The following SPEG variants were observed in gnomAD, a reference collection of about 807,000 sequenced individuals.
SPEG encodes striated muscle enriched protein kinase, also known as striated muscle preferentially expressed protein kinase.
SPEG carries 114 observed loss-of-function variants against 300.4 expected under a neutral mutation model. The observed-to-expected ratio is 0.38, with a 90% CI of 0.33 to 0.44. SPEG has a LOEUF of 0.44. Among genes scored for constraint, SPEG ranks in the 20% least tolerant of loss-of-function variants. The pLI is 1.00. For synonymous variants in SPEG, 1,964 were observed against 2,018.9 expected, an observed-to-expected ratio of 0.97 and a Z score of 0.73; for missense variants, 4,201 against 4,586.2, an observed-to-expected ratio of 0.92 and a Z score of 2.43.
At position 219,483,904 on chromosome 2, in the gene SPEG, G is replaced by T. The variant is rs764935304; in HGVS notation, c.6441G>T (p.Ala2147=). ...EPRGRHRRAG[A]PLEIPVARLG... ...GGGGCCGGCACCGCCGAGCGGGGGC[G>T]CCCCTCGAGATCCCCGTGGCCAGGC... The change falls in exon 30 of 41, where the codon GCG becomes GCT. Residue 2147 remains alanine, a synonymous_variant. Transcript: ENST00000312358. The T allele has an allele frequency of 1.2e-6, 2 of 1,601,474 alleles. No individual in the cohort carries two copies. The highest frequency in any genetic ancestry group is 8.5e-7 in the Non-Finnish European group (1 of 1,178,774).
intron 3 of SPEG, among the ~76,000 whole-genome samples, chr2:219,447,665 T>G (rs1458474612): frequency 2.7e-5 from 4 of 150,464 alleles, no homozygotes; most frequent in Non-Finnish European, 5.9e-5. Flanking sequence ...TCCCTCATGC[T>G]CAGTTCTGTT....
intron 30 of SPEG, 121 bp downstream of exon 30, chr2:219,485,193 G>A: frequency 6.8e-7 from 1 of 1,477,776 alleles, no homozygotes; most frequent in South Asian, 1.3e-5. Flanking sequence ...CCCCGAGGGT[G>A]GAATCAGCAG....
intron 6 of SPEG, among the ~76,000 whole-genome samples, chr2:219,452,020 G>T (rs1287542847): frequency 2.0e-5 from 3 of 152,234 alleles, no homozygotes; most frequent in Non-Finnish European, 4.4e-5. Flanking sequence ...TCCCCAAGGC[G>T]CACAGAAGGC....
At position 219,490,852 on chromosome 2, in the gene SPEG, C is replaced by T. The variant is rs1476029497; in HGVS notation, c.9281C>T (p.Ala3094Val). ...LDIKPDNLLL[A>V]PDNALKIVDF... The stretch of plus-strand genomic sequence containing the variant: ...ATCAAGCCAGACAACCTGCTGCTGG[C>T]CCCTGACAATGCCCTCAAGATTGTG... Residue 3094 changes from alanine to valine, a missense_variant, in exon 38 of 41, where the codon GCC becomes GTC. Around this residue, in one of 4 missense-constraint regions of SPEG, gnomAD observed 318 missense variants for 429.5 expected, o/e 0.74. Transcript: ENST00000312358. The T allele has an allele frequency of 6.2e-7, 1 of 1,613,924 alleles. No individual in the cohort carries two copies. Among genetic ancestry groups the T allele is most frequent in the East Asian group, 2.2e-5 (1 of 44,890 alleles).
At position 219,443,392 on chromosome 2, in the gene SPEG, C is replaced by A. The variant is rs1689065993; in HGVS notation, c.389-1261C>A. 1.8e-6 allele frequency: 1 copy of A among 560,866 alleles called. No individual in the cohort carries two copies. Among genetic ancestry groups the A allele is most frequent in the Admixed American group, 3.1e-5 (1 of 32,524 alleles). 34.7% of individuals were successfully genotyped at this position (560,866 alleles called of 1,614,324 possible). A position where few individuals can be genotyped will look rare whatever the true frequency, so the allele number is the denominator to read the frequency against. ...CTGCATGGACTGGGTGCCCTGTTCT[C>A]CATGTGAGGCCTAATGGGAAGGAGT... On this transcript the variant is annotated intron_variant, in intron 1 of 40. Coordinates refer to ENST00000312358, the MANE Select transcript of SPEG (RefSeq NM_005876.5). The surrounding 1 kb of genome is among the most constrained non-coding windows in gnomAD (Gnocchi z 4.6).
In SPEG at chr2:219,479,272, A is replaced by G. The variant is rs971387421; in HGVS notation, c.5085+71A>G. On this transcript the variant is annotated intron_variant, in intron 23 of 40. Transcript: ENST00000312358. This position sits in a 1 kb window ranked among gnomAD's most constrained non-coding sequence, Gnocchi z 5.5. Reference sequence around the variant, plus strand: ...CCCACCTGAGCTTTGAGAACCAACAAATGGGTCCTGAGTGTGCCATCTGTG... The same window carrying G: ...CCCACCTGAGCTTTGAGAACCAACAGATGGGTCCTGAGTGTGCCATCTGTG... 2.5e-5 allele frequency: 33 copies of G among 1,346,180 alleles called. No individual in the cohort carries two copies. The highest frequency in any genetic ancestry group is 1.0e-4 in the African/African-American group (7 of 69,834). 83.4% of individuals were successfully genotyped at this position (1,346,180 alleles called of 1,614,324 possible).
intron 10 of SPEG, 118 bp from the exon 11 acceptor site, chr2:219,468,460 C>A: frequency 1.7e-6 from 2 of 1,189,934 alleles, no homozygotes; most frequent in Non-Finnish European, 2.3e-6. Flanking sequence ...TACCCAGAGC[C>A]TTTGCTGGGC....
Position 219,483,225 on chromosome 2 carries a change from C to A in SPEG, c.5762C>A (p.Ser1921Tyr). The part of the protein sequence containing the change: ...RPPPSGGLSS[S>Y]SDSEEEELEE... ...CCCCCCAGTGGGGGGCTCTCATCCT[C>A]CTCGGATTCTGAAGAGGAAGAGCTG... The change falls in exon 30 of 41, where the codon TCC becomes TAC. Residue 1921 changes from serine to tyrosine, a missense_variant. By Grantham distance (144) the Ser-to-Tyr change is moderately radical (BLOSUM62 -2). Transcript: ENST00000312358. The A allele has an allele frequency of 6.2e-7, 1 of 1,610,504 alleles. No homozygotes were observed. Among genetic ancestry groups the A allele is most frequent in the Middle Eastern group, 1.7e-4 (1 of 6,054 alleles).
At position 219,449,218 on chromosome 2, in the gene SPEG, G is replaced by A. The variant is rs1689553350; in HGVS notation, c.2060G>A (p.Gly687Glu). 1.4e-6 allele frequency: 2 copies of A among 1,392,942 alleles called. No individual in the cohort carries two copies. The highest frequency in any genetic ancestry group is 7.4e-5 in the Admixed American group (2 of 27,158). The allele number at this position is 1,392,942 out of a possible 1,614,324, so 86.3% of individuals were successfully genotyped here. The change falls in exon 4 of 41, where the codon GGG (glycine) becomes GAG (glutamate). Residue 687 changes from glycine to glutamate, a missense_variant. Physicochemically the swap from Gly to Glu is moderately conservative, Grantham distance 98 (BLOSUM62 -2). This residue lies in a region of SPEG where 1,258 missense variants were observed against 1,293.9 expected (regional missense o/e 0.97). Transcript: ENST00000312358. ...CCCTGGGGGCCCTGGGACCGCCGAG[G>A]GGCCCGCAGCCAGGGCAAAGGTCGC... ...DGPWGPWDRRGARSQGKGRRA... is the reference protein window; with the variant it reads ...DGPWGPWDRREARSQGKGRRA...
rs1692008853 is a variant in SPEG at position 219,472,880 on chromosome 2, C to T, written c.3941-10C>T. Reference sequence around the variant, plus strand: ...GCAACAGCAGCCTCTAGTAGCTCCTCTCCCGCCAGACCCGGACTCCCTGAC... The same window carrying T: ...GCAACAGCAGCCTCTAGTAGCTCCTTTCCCGCCAGACCCGGACTCCCTGAC... On this transcript the variant is annotated splice_polypyrimidine_tract_variant and intron_variant, in intron 15 of 40. Coordinates refer to ENST00000312358, the MANE Select transcript of SPEG (RefSeq NM_005876.5). 2.6e-6 allele frequency: 4 copies of T among 1,568,186 alleles called. No homozygotes were observed. The East Asian group carries it at 6.8e-5, about 27-fold the overall frequency.
At chr2:219,488,700 T>C (rs1297745963) in intron 33 of SPEG, 35 bp downstream of exon 33, 2 of 1,604,100 alleles carry the variant, frequency 1.2e-6, no homozygotes, top group African/African-American at 1.3e-5. Flanking sequence ...GGGGTAGTGA[T>C]GGGGATGGTG....
Position 219,448,242 on chromosome 2 carries a change from G to T in SPEG, c.1084G>T (p.Gly362Trp). ...GCGAGGGAAGAAGTCCAAGTCGTCC[G>T]GGCCCTCCCTGGCGGGCACCGCGGA... ...EKRGKKSKSSGPSLAGTAESR... is the reference protein window; with the variant it reads ...EKRGKKSKSSWPSLAGTAESR... Residue 362 changes from glycine to tryptophan, a missense_variant, in exon 4 of 41, where the codon GGG (glycine) becomes TGG (tryptophan). Around this residue, in one of 4 missense-constraint regions of SPEG, gnomAD observed 1,258 missense variants for 1,293.9 expected, o/e 0.97. Transcript: ENST00000312358. 6.2e-7 allele frequency: 1 copy of T among 1,612,400 alleles called. No individual in the cohort carries two copies. Among genetic ancestry groups the T allele is most frequent in the South Asian group, 1.1e-5 (1 of 91,068 alleles).
rs79987208 is a variant in SPEG at position 219,478,006 on chromosome 2, G to A, written c.4928G>A (p.Arg1643His). The A allele has an allele frequency of 1.7e-4, 274 of 1,614,182 alleles. No homozygotes were observed. The African/African-American group carries it at 2.1e-3, about 12-fold the overall frequency. The change falls in exon 22 of 41, where the codon CGT becomes CAT. Residue 1643 changes from arginine to histidine, a missense_variant. Around this residue, in one of 4 missense-constraint regions of SPEG, gnomAD observed 1,047 missense variants for 1,356.8 expected, o/e 0.77. Coordinates refer to ENST00000312358, the MANE Select transcript of SPEG (RefSeq NM_005876.5). ...CAGGCCAAGCCAAAGGCATCAGCGC[G>A]TCGGGAGGCCCGGCTGCTGGCCAGG... ...PSQAKPKASA[R>H]REARLLARLQ...
Position 219,472,006 on chromosome 2 carries a change from TG to T in SPEG, c.3835+21del. 3 of 1,608,754 alleles carry T rather than the reference TG, an allele frequency of 1.9e-6. No homozygotes were observed. The highest frequency in any genetic ancestry group is 2.5e-6 in the Non-Finnish European group (3 of 1,179,812). On this transcript the variant is annotated intron_variant, in intron 14 of 40. Transcript: ENST00000312358. ...GTCACAGGTGAGGCAGGCACCCTCGTGGTCAGCTGCACGCACAGCCTGGCCT... is the reference window on the plus strand; with the variant it reads ...GTCACAGGTGAGGCAGGCACCCTCGTGTCAGCTGCACGCACAGCCTGGCCT...
intron 40 of SPEG, 64 bp downstream of exon 40, chr2:219,492,324 G>A: frequency 1.3e-6 from 2 of 1,534,872 alleles, no homozygotes; most frequent in East Asian, 2.3e-5. Context: ...CTGTGCCAGA[G>A]ATCTCCCAGC....
Position 219,463,392 on chromosome 2 carries a change from A to ATTTT in SPEG, c.2706-1006_2706-1003dup, listed in dbSNP as rs71040459. Among the ~76,000 whole-genome samples, 7 of 23,946 alleles carry ATTTT rather than the reference A, an allele frequency of 2.9e-4. 1 individual carries two copies. The highest frequency in any genetic ancestry group is 6.0e-4 in the African/African-American group (3 of 4,994). The allele number at this position is 23,946 out of a possible 152,430, so 15.7% of individuals were successfully genotyped here. A position where few individuals can be genotyped will look rare whatever the true frequency, so the allele number is the denominator to read the frequency against. On this transcript the variant is annotated intron_variant, in intron 8 of 40. Coordinates refer to ENST00000312358, the MANE Select transcript of SPEG (RefSeq NM_005876.5). ...AATTGATTGTCTGGTCCCCACTGTGATTTTTTTTTTTTTTTTTTTTTTTTT... is the reference window on the plus strand; with the variant it reads ...AATTGATTGTCTGGTCCCCACTGTGATTTTTTTTTTTTTTTTTTTTTTTTTTTTT...
intron 15 of SPEG, 54 bp from the exon 16 acceptor site, chr2:219,472,836 G>C (rs2125491098): frequency 6.8e-7 from 1 of 1,469,200 alleles, no homozygotes; most frequent in East Asian, 2.3e-5. Context: ...CAGCTGGATG[G>C]GGAGGGGTTA....
intron 36 of SPEG, 49 bp downstream of exon 36, chr2:219,489,988 G>A (rs760623614): frequency 1.3e-6 from 2 of 1,516,956 alleles, no homozygotes; most frequent in Non-Finnish European, 1.8e-6. Flanking sequence ...TGGGCCAAAT[G>A]TCTGGAGCAC....
chr2:219,435,392 G>A (rs1954690238), intron 1 of SPEG, 27 bp downstream of exon 1: 2 of 1,517,068 alleles, frequency 1.3e-6, no homozygotes, highest in Non-Finnish European at 1.8e-6. Flanking sequence ...GGCCGCGCCC[G>A]GCAGGGGCGG....
Sources: gnomAD v4.1 joint callset for allele counts (sites outside exome capture counted in the v4.1 genomes callset) on GRCh38, gnomAD v4.1.1 for gene constraint, gnomAD v4.1.1 regional missense constraint, Gnocchi (gnomAD v3.1) non-coding constraint, MANE v1.5 for transcripts, NCBI Gene and HGNC (gene_info 2026-07-23, HGNC 2026-07-21) for gene names.